Variants in GALNT17 observed in about 807,000 individuals in gnomAD.
The protein encoded by GALNT17 is UDP-GalNAc:polypeptide N-acetylgalactosaminyltransferase-like 3.
A neutral mutation model predicts 63.7 loss-of-function variants in GALNT17; 29 were observed. The ratio of observed to expected loss-of-function variants is 0.46; its 90% CI spans 0.34 to 0.62. The LOEUF is 0.62. Among genes scored for constraint, GALNT17 ranks in the 20% least tolerant of loss-of-function variants. GALNT17 has a pLI of 0.01. For synonymous variants in GALNT17, 305 were observed against 318.3 expected (o/e 0.96, Z 0.45); for missense variants, 603 against 799.6 (o/e 0.75, Z 2.97).
chr7:71,531,090 AT>A (rs1480967226), intron 5 of GALNT17, among the ~76,000 whole-genome samples: 1 of 152,312 alleles, frequency 6.6e-6, no homozygotes, highest in East Asian at 1.9e-4. Flanking sequence ...TTATTAAAAT[AT>A]TTTTAAACCA....
chr7:71,354,560 A>G (rs73181672), intron 2 of GALNT17, among the ~76,000 whole-genome samples: 23,484 of 152,064 alleles, frequency 0.15, 2,071 homozygotes, highest in East Asian at 0.29. Context: ...AACCAAATTT[A>G]TATTAATGGA....
intron 6 of GALNT17, among the ~76,000 whole-genome samples, chr7:71,636,450 G>T (rs978235106): frequency 6.6e-6 from 1 of 152,196 alleles, no homozygotes; most frequent in Non-Finnish European, 1.5e-5. Context: ...TAACAGGAGG[G>T]TAGGTGGGAA....
At chr7:71,221,988 A>G (rs1789594785) in intron 1 of GALNT17, among the ~76,000 whole-genome samples, 2 of 149,494 alleles carry the variant, frequency 1.3e-5, no homozygotes, top group South Asian at 4.3e-4. Flanking sequence ...GCTCACTGCA[A>G]ACTTCACTTC....
chr7:71,132,379 T>C lies in GALNT17; in HGVS notation c.-424T>C, dbSNP rs10234969. ...CCGTGGGCGGGCGGCGATCCCTGAG[T>C]CCGGCACCTGTGCGCCGCTCCCTCT... is the stretch of plus-strand genomic sequence containing the variant. On this transcript the variant is annotated 5_prime_UTR_variant, in exon 1 of 11. Coordinates refer to ENST00000333538, the MANE Select transcript of GALNT17 (RefSeq NM_022479.3). 0.78 allele frequency: 119,251 copies of C among 152,798 alleles called. 47,232 individuals carry two copies. The highest frequency in any genetic ancestry group is 0.99 in the East Asian group (5,082 of 5,112). 9.5% of individuals were successfully genotyped at this position (152,798 alleles called of 1,614,324 possible). A position where few individuals can be genotyped will look rare whatever the true frequency, so the allele number is the denominator to read the frequency against.
intron 5 of GALNT17, among the ~76,000 whole-genome samples, chr7:71,435,720 T>C (rs1264124185): frequency 6.6e-6 from 1 of 152,032 alleles, no homozygotes; most frequent in Non-Finnish European, 1.5e-5. Context: ...GAAGTTGCTC[T>C]AAAAAACTCT....
intron 2 of GALNT17, among the ~76,000 whole-genome samples, chr7:71,351,903 T>C (rs184937693): frequency 6.6e-6 from 1 of 152,136 alleles, no homozygotes; most frequent in South Asian, 2.1e-4. Flanking sequence ...TTCTGAATGA[T>C]GTTTGGAGAA....
intron 6 of GALNT17, among the ~76,000 whole-genome samples, chr7:71,614,700 A>T (rs7459317): frequency 0.44 from 65,973 of 148,748 alleles, 16,238 homozygotes; most frequent in East Asian, 0.73. Context: ...GAGGGAGGGA[A>T]GAAAGAGAAA....
At chr7:71,304,608 CTG>C (rs2115899601) in intron 1 of GALNT17, among the ~76,000 whole-genome samples, 1 of 152,246 alleles carries the variant, frequency 6.6e-6, no homozygotes, top group South Asian at 2.1e-4. Flanking sequence ...TGCAAGTGGC[CTG>C]TGTTTGCTTA....
intron 5 of GALNT17, among the ~76,000 whole-genome samples, chr7:71,538,300 T>G (rs1788832552): frequency 6.6e-6 from 1 of 152,178 alleles, no homozygotes; most frequent in South Asian, 2.1e-4. Flanking sequence ...TTGCCACGGC[T>G]ATTTCAAGCA....
Position 71,300,312 on chromosome 7 carries a change from C to T in GALNT17, c.239-35238C>T, listed in dbSNP as rs946705545. On this transcript the variant is annotated intron_variant, in intron 1 of 10. Transcript: ENST00000333538. Reference sequence around the variant, plus strand: ...GTATCTGGACTCTGGGCTTGAAGCTCTTCTTTCTAAGAGGAGGCTTGTTGG... The same window carrying T: ...GTATCTGGACTCTGGGCTTGAAGCTTTTCTTTCTAAGAGGAGGCTTGTTGG... The T allele has an allele frequency of 1.1e-5, 4 of 372,624 alleles. No homozygotes were observed. The Admixed American group carries it at 1.4e-4, about 13-fold the overall frequency. The allele number at this position is 372,624 out of a possible 1,614,324, so 23.1% of individuals were successfully genotyped here. A position where few individuals can be genotyped will look rare whatever the true frequency, so the allele number is the denominator to read the frequency against.
chr7:71,140,249 C>T (rs563687250), intron 1 of GALNT17, among the ~76,000 whole-genome samples: 24 of 152,290 alleles, frequency 1.6e-4, no homozygotes, highest in Non-Finnish European at 2.6e-4. Flanking sequence ...ATTTGCTGCA[C>T]GCAGACATTC....
At chr7:71,220,342 T>G (rs1395557232) in intron 1 of GALNT17, among the ~76,000 whole-genome samples, 1 of 152,204 alleles carries the variant, frequency 6.6e-6, no homozygotes, top group Non-Finnish European at 1.5e-5. Context: ...AATTCTTGCT[T>G]CAGTTTATCT....
intron 2 of GALNT17, among the ~76,000 whole-genome samples, chr7:71,374,009 C>G (rs1438829419): frequency 6.6e-6 from 1 of 152,152 alleles, no homozygotes; most frequent in African/African-American, 2.4e-5. Context: ...AATCATTTCT[C>G]AAGTGCTAAA....
At chr7:71,701,005 C>G (rs957507562) in intron 9 of GALNT17, among the ~76,000 whole-genome samples, 5 of 152,300 alleles carry the variant, frequency 3.3e-5, no homozygotes, top group Admixed American at 3.3e-4. Flanking sequence ...TAAGCAAACA[C>G]ACCCCTGCCT....
At chr7:71,173,464 G>A (rs1788581114) in intron 1 of GALNT17, among the ~76,000 whole-genome samples, 1 of 152,096 alleles carries the variant, frequency 6.6e-6, no homozygotes, top group Non-Finnish European at 1.5e-5. Context: ...TAATATTACT[G>A]TCTTTCTTAT....
chr7:71,224,144 T>C (rs1789638836), intron 1 of GALNT17, among the ~76,000 whole-genome samples: 3 of 152,282 alleles, frequency 2.0e-5, no homozygotes, highest in Non-Finnish European at 4.4e-5. Flanking sequence ...AACCTCTGCC[T>C]CCTGGGTTCA....
chr7:71,283,228 A>T (rs78731013), intron 1 of GALNT17, among the ~76,000 whole-genome samples: 2,216 of 148,136 alleles, frequency 0.015, 22 homozygotes, highest in Middle Eastern at 0.05. Flanking sequence ...GTGTAGATGG[A>T]GTCTTGCTGT....
chr7:71,461,941 A>G (rs1787458009), intron 5 of GALNT17, among the ~76,000 whole-genome samples: 2 of 152,142 alleles, frequency 1.3e-5, no homozygotes, highest in East Asian at 1.9e-4. Flanking sequence ...CTCTGGATCA[A>G]TTGAAAACTG....
chr7:71,422,621 G>A (rs748167635), intron 5 of GALNT17, among the ~76,000 whole-genome samples: 3 of 152,214 alleles, frequency 2.0e-5, no homozygotes, highest in Non-Finnish European at 4.4e-5. Context: ...AGCATTTTGG[G>A]GCTCCGACCC....
Sources: gnomAD v4.1 joint callset for allele counts (sites outside exome capture counted in the v4.1 genomes callset) on GRCh38, gnomAD v4.1.1 for gene constraint, MANE v1.5 for transcripts, NCBI Gene and HGNC (gene_info 2026-07-23, HGNC 2026-07-21) for gene names.